Variants in REL observed in about 807,000 individuals in gnomAD.
REL encodes the protein REL proto-oncogene, NF-kB subunit.
A neutral mutation model predicts 45.9 loss-of-function variants in REL; 15 were observed. The observed-to-expected ratio is 0.33, with a 90% confidence interval of 0.22 to 0.50. The LOEUF (loss-of-function observed/expected upper bound fraction) is 0.50, where lower values mean the gene tolerates loss of function less well. Among genes scored for constraint, REL ranks in the 20% least tolerant of loss-of-function variants. REL has a pLI of 0.98. For synonymous variants in REL, 239 were observed against 242.1 expected, an observed-to-expected ratio of 0.99 and a Z score of 0.12; for missense variants, 601 against 715.2, an observed-to-expected ratio of 0.84 and a Z score of 1.82.
chr2:60,904,625 T>G (rs1482034911), intron 4 of REL, among the ~76,000 whole-genome samples: 1 of 148,172 alleles, frequency 6.7e-6, no homozygotes, highest in Non-Finnish European at 1.5e-5. Flanking sequence ...CGGTGTCTTA[T>G]GCCTGTAATC....
chr2:60,898,331 C>T (rs1482020652), intron 3 of REL, among the ~76,000 whole-genome samples: 1 of 152,148 alleles, frequency 6.6e-6, no homozygotes, highest in Non-Finnish European at 1.5e-5. Flanking sequence ...CCTATAAGGC[C>T]CACATGACCC....
chr2:60,920,323 C>G (rs1674104103), intron 8 of REL: 2 of 616,446 alleles, frequency 3.2e-6, no homozygotes, highest in Admixed American at 6.0e-5. Flanking sequence ...GCCTCAGCCT[C>G]CCGGGTAGCT....
At chr2:60,888,148 G>T (rs940082431) in intron 1 of REL, among the ~76,000 whole-genome samples, 1 of 151,838 alleles carries the variant, frequency 6.6e-6, no homozygotes, top group Non-Finnish European at 1.5e-5. Context: ...AGGCTGGTCT[G>T]GAACTCCTGA....
intron 8 of REL, 118 bp downstream of exon 8, chr2:60,920,227 C>G: frequency 1.2e-6 from 1 of 816,884 alleles, no homozygotes; most frequent in African/African-American, 1.7e-5. Context: ...TTTGAGATAG[C>G]ATCTCTCTCT....
chr2:60,892,252 CA>C (rs1673233000), intron 2 of REL, among the ~76,000 whole-genome samples: 1 of 152,146 alleles, frequency 6.6e-6, no homozygotes, highest in Non-Finnish European at 1.5e-5. Flanking sequence ...AGGGCTAGAA[CA>C]TTTTTTTCTC....
rs1187827949 is a variant in REL at position 60,926,721 on chromosome 2, T to C, written c.*4186T>C. On this transcript the variant is annotated 3_prime_UTR_variant, in exon 10 of 10. Coordinates refer to ENST00000394479, the MANE Select transcript of REL (RefSeq NM_001291746.2). The stretch of plus-strand genomic sequence containing the variant: ...TTACCATTTACCACGCCACCCAAGA[T>C]ACTTACTAGGAACCTCAAAGTATTG... 3 of 227,880 alleles carry C rather than the reference T, an allele frequency of 1.3e-5. No individual in the cohort carries two copies. Among genetic ancestry groups the C allele is most frequent in the Non-Finnish European group, 2.6e-5 (3 of 114,636 alleles). 14.1% of individuals were successfully genotyped at this position (227,880 alleles called of 1,614,324 possible).
At chr2:60,896,777 C>A (rs896185409) in intron 3 of REL, among the ~76,000 whole-genome samples, 3 of 152,120 alleles carry the variant, frequency 2.0e-5, no homozygotes, top group Admixed American at 2.0e-4. Context: ...GCTTTTCTGG[C>A]TGTTCTTTCT....
chr2:60,899,341 C>T (rs1673436512), intron 3 of REL: 2 of 151,990 alleles, frequency 1.3e-5, no homozygotes, highest in Non-Finnish European at 2.9e-5. Context: ...AAAAATTAGC[C>T]AGGTAGGGTG....
chr2:60,914,835 G>GTTTTTTTTT (rs34572751), intron 4 of REL, among the ~76,000 whole-genome samples: 7 of 131,174 alleles, frequency 5.3e-5, no homozygotes, highest in Non-Finnish European at 6.4e-5. Flanking sequence ...TTGTTTTTTT[G>GTTTTTTTTT]TTTTTTTTTT....
intron 1 of REL, among the ~76,000 whole-genome samples, chr2:60,889,299 C>T (rs1244958561): frequency 2.6e-5 from 4 of 152,064 alleles, no homozygotes; most frequent in African/African-American, 7.2e-5. Context: ...CTCTTATTTC[C>T]GCAGAATTTT....
chr2:60,896,960 T>C (rs1237539103), intron 3 of REL, among the ~76,000 whole-genome samples: 1 of 152,182 alleles, frequency 6.6e-6, no homozygotes, highest in Non-Finnish European at 1.5e-5. Flanking sequence ...ACATGAAACA[T>C]TTTGGGCAAG....
intron 4 of REL, among the ~76,000 whole-genome samples, chr2:60,906,331 TTTTC>T (rs1673648715): frequency 6.6e-6 from 1 of 152,144 alleles, no homozygotes; most frequent in South Asian, 2.1e-4. Context: ...TTTCCCTTCT[TTTTC>T]TTTCTCTCTT....
rs915467647 is a variant in REL, at chr2:60,924,181, A to G, written c.*1646A>G. On this transcript the variant is annotated 3_prime_UTR_variant, in exon 10 of 10. Coordinates refer to ENST00000394479, the MANE Select transcript of REL (RefSeq NM_001291746.2). Reference sequence around the variant, plus strand: ...GAGCAGGTCGTCCTTGAATATATACATCAGCATTCCCTTTCCCCCCTGCTT... The same window carrying G: ...GAGCAGGTCGTCCTTGAATATATACGTCAGCATTCCCTTTCCCCCCTGCTT... 6 of 230,414 alleles carry G rather than the reference A, an allele frequency of 2.6e-5. No individual in the cohort carries two copies. Among genetic ancestry groups the G allele is most frequent in the African/African-American group, 1.3e-4 (6 of 45,202 alleles). 14.3% of individuals were successfully genotyped at this position (230,414 alleles called of 1,614,324 possible). A position where few individuals can be genotyped will look rare whatever the true frequency, so the allele number is the denominator to read the frequency against.
chr2:60,894,902 G>T (rs1217184999), intron 3 of REL, among the ~76,000 whole-genome samples: 1 of 145,300 alleles, frequency 6.9e-6, no homozygotes, highest in Non-Finnish European at 1.5e-5. Context: ...TGTTGCCTAG[G>T]CTAAAGTGCA....
At chr2:60,894,252 A>G (rs1223048460) in intron 2 of REL, 145 bp from the exon 3 acceptor site, 4 of 449,448 alleles carry the variant, frequency 8.9e-6, no homozygotes, top group Non-Finnish European at 7.7e-6. Context: ...GGAAAGTTTC[A>G]TCTAAACTGC....
At chr2:60,888,480 C>T (rs1673125966) in intron 1 of REL, among the ~76,000 whole-genome samples, 1 of 152,060 alleles carries the variant, frequency 6.6e-6, no homozygotes, top group African/African-American at 2.4e-5. Flanking sequence ...AATACTCCTA[C>T]AAGGATATAT....
Position 60,897,496 on chromosome 2 carries a change from C to T in REL, c.302+2951C>T, listed in dbSNP as rs1236108696. Among the ~76,000 whole-genome samples, 8 of 151,802 alleles carry T rather than the reference C, an allele frequency of 5.3e-5. No individual in the cohort carries two copies. In the East Asian group the frequency reaches 1.2e-3, roughly 22 times the overall value. On this transcript the variant is annotated intron_variant, in intron 3 of 9. Coordinates refer to ENST00000394479, the MANE Select transcript of REL (RefSeq NM_001291746.2). ...GTAATTTTTGTATTTTTAGTAGATA[C>T]GGGGTTTCATCATGTTGGCCAGGCT...
chr2:60,914,634 C>T (rs1048379065), intron 4 of REL, among the ~76,000 whole-genome samples: 1 of 152,088 alleles, frequency 6.6e-6, no homozygotes, highest in Non-Finnish European at 1.5e-5. Context: ...CTAAAATTTC[C>T]CTGGTCCCCT....
At chr2:60,907,697 C>CTT (rs869140724) in intron 4 of REL, among the ~76,000 whole-genome samples, 27 of 139,854 alleles carry the variant, frequency 1.9e-4, no homozygotes, top group Admixed American at 7.2e-4. Context: ...TTGTACTTTT[C>CTT]TTTTTTTTTT....
Sources: gnomAD v4.1 joint callset for allele counts (sites outside exome capture counted in the v4.1 genomes callset) on GRCh38, gnomAD v4.1.1 for gene constraint, MANE v1.5 for transcripts, NCBI Gene and HGNC (gene_info 2026-07-23, HGNC 2026-07-21) for gene names.